NUCB1: variants seen among roughly 807,000 people sequenced by gnomAD.
NUCB1 encodes nucleobindin 1.
In NUCB1, 47 loss-of-function variants were observed where a neutral mutation model predicts 61.2. That is an observed-to-expected ratio of 0.77 (90% CI 0.61 to 0.98). The LOEUF (loss-of-function observed/expected upper bound fraction) is 0.98, where lower values mean the gene tolerates loss of function less well. Among genes scored for constraint, NUCB1 ranks in the 50% least tolerant of loss-of-function variants. The pLI, the probability that NUCB1 is intolerant of heterozygous loss-of-function variation, is 0.00. For missense variants in NUCB1, 583 were observed against 605.3 expected (o/e 0.96, Z 0.39); for synonymous variants, 234 against 243.1 (o/e 0.96, Z 0.35).
At chr19:48,912,803 C>T (rs1329504938) in intron 5 of NUCB1, among the ~76,000 whole-genome samples, 2 of 148,544 alleles carry the variant, frequency 1.3e-5, no homozygotes, top group African/African-American at 5.0e-5. Context: ...GAGATTGTGC[C>T]ACCGCACTCC....
intron 2 of NUCB1, among the ~76,000 whole-genome samples, chr19:48,903,067 C>T (rs923206604): frequency 1.3e-5 from 2 of 152,064 alleles, no homozygotes. Flanking sequence ...CTCAGCCTCC[C>T]AAAGCACTGG....
At chr19:48,915,436 CG>C (rs1487281780) in intron 7 of NUCB1, among the ~76,000 whole-genome samples, 1 of 152,046 alleles carries the variant, frequency 6.6e-6, no homozygotes, top group East Asian at 1.9e-4. Flanking sequence ...AGGCGGAAGG[CG>C]GGGGTTGCAA....
chr19:48,922,310 A>C lies in NUCB1; in HGVS notation c.1280-8A>C, dbSNP rs766144112. On this transcript the variant is annotated splice_region_variant and splice_polypyrimidine_tract_variant and intron_variant, in intron 12 of 12. Coordinates refer to ENST00000405315, the MANE Select transcript of NUCB1 (RefSeq NM_006184.6). Reference sequence around the variant, plus strand: ...TCCTGTGCCACCATTCCCTCCCTCCATTTCCAGACGATGTACCTGTCCCAG... The same window carrying C: ...TCCTGTGCCACCATTCCCTCCCTCCCTTTCCAGACGATGTACCTGTCCCAG... 18 of 1,612,156 alleles carry C rather than the reference A, an allele frequency of 1.1e-5. No individual in the cohort carries two copies. Among genetic ancestry groups the C allele is most frequent in the Non-Finnish European group, 1.5e-5 (18 of 1,178,436 alleles).
intron 4 of NUCB1, 116 bp downstream of exon 4, chr19:48,906,001 A>G (rs2037409495): frequency 9.4e-6 from 9 of 961,586 alleles, no homozygotes; most frequent in Non-Finnish European, 1.4e-5. Flanking sequence ...CCGCTGCGAA[A>G]TGTGCTGAAA....
intron 10 of NUCB1, among the ~76,000 whole-genome samples, chr19:48,920,388 G>A (rs1011783177): frequency 1.3e-4 from 20 of 152,130 alleles, no homozygotes; most frequent in African/African-American, 4.3e-4. Flanking sequence ...GTGCAGTGGT[G>A]TAATCATAGT....
In NUCB1 at chr19:48,918,788, A is replaced by T. The variant is rs1286917284; in HGVS notation, c.816+4A>T. 1 of 1,613,628 alleles carries T rather than the reference A, an allele frequency of 6.2e-7. No individual in the cohort carries two copies. The highest frequency in any genetic ancestry group is 2.2e-5 in the East Asian group (1 of 44,892). On this transcript the variant is annotated splice_donor_region_variant and intron_variant, in intron 8 of 12. Coordinates refer to ENST00000405315, the MANE Select transcript of NUCB1 (RefSeq NM_006184.6). Reference sequence around the variant, plus strand: ...GGAGGCACTCTTCACCAAGGAGGTGAGCATCTTGGAAGCCTCGGGCACCTG... The same window carrying T: ...GGAGGCACTCTTCACCAAGGAGGTGTGCATCTTGGAAGCCTCGGGCACCTG...
chr19:48,921,106 G>A, intron 10 of NUCB1, 48 bp from the exon 11 acceptor site: 1 of 1,549,476 alleles, frequency 6.5e-7, no homozygotes, highest in Non-Finnish European at 8.7e-7. Flanking sequence ...ACATGGGTGG[G>A]CCGAGGTTGG....
At chr19:48,902,573 A>T (rs1253137974) in intron 2 of NUCB1, among the ~76,000 whole-genome samples, 1 of 150,470 alleles carries the variant, frequency 6.6e-6, no homozygotes, top group Non-Finnish European at 1.5e-5. Context: ...TGCCTAGCTA[A>T]TTTTTTTTGT....
intron 10 of NUCB1, 34 bp from the exon 11 acceptor site, chr19:48,921,120 T>C (rs757538100): frequency 6.4e-7 from 1 of 1,574,222 alleles, no homozygotes; most frequent in Non-Finnish European, 8.6e-7. Context: ...AGGTTGGACC[T>C]GTGCCCCTGA....
chr19:48,910,979 C>T (rs977305680), intron 4 of NUCB1, 170 bp from the exon 5 acceptor site: 3 of 574,874 alleles, frequency 5.2e-6, no homozygotes, highest in African/African-American at 3.8e-5. Context: ...AAGCATCAGA[C>T]TCAGTCGTGG....
rs1412630626 is a variant in NUCB1, at chr19:48,900,862, C to G, written c.66C>G (p.Arg22=). 1 of 1,613,938 alleles carries G rather than the reference C, an allele frequency of 6.2e-7. No homozygotes were observed. The highest frequency in any genetic ancestry group is 1.1e-5 in the South Asian group (1 of 91,080). ...LLPLLLLLLL[R]AVLAVPLERG... ...CGCTGCTGCTGCTGCTCCTGCTTCGCGCCGTGCTGGCTGTCCCCCTGGAGC... is the reference window on the plus strand; with the variant it reads ...CGCTGCTGCTGCTGCTCCTGCTTCGGGCCGTGCTGGCTGTCCCCCTGGAGC... Residue 22 remains arginine (R), a synonymous_variant, in exon 2 of 13, where the codon CGC becomes CGG. Transcript: ENST00000405315.
chr19:48,919,093 C>T lies in NUCB1; in HGVS notation c.880C>T (p.Leu294=). ...CATGCGGGAGATGGAGGAGGAGCGA[C>T]TGCGCATGCGGGAGCATGTGATGAA... ...DDMREMEEER[L]RMREHVMKNV... Residue 294 remains leucine (L), a synonymous_variant, in exon 9 of 13, where the codon CTG becomes TTG. Coordinates refer to ENST00000405315, the MANE Select transcript of NUCB1 (RefSeq NM_006184.6). 4 of 1,614,124 alleles carry T rather than the reference C, an allele frequency of 2.5e-6. No homozygotes were observed. Among genetic ancestry groups the T allele is most frequent in the Non-Finnish European group, 3.4e-6 (4 of 1,180,012 alleles).
At chr19:48,903,873 GAT>G (rs1308986082) in intron 2 of NUCB1, among the ~76,000 whole-genome samples, 59 of 144,088 alleles carry the variant, frequency 4.1e-4, no homozygotes, top group African/African-American at 1.5e-3. Context: ...TGGATGGATG[GAT>G]GGATGGATGG....
At chr19:48,908,729 T>TGG (rs2037441001) in intron 4 of NUCB1, among the ~76,000 whole-genome samples, 1 of 142,522 alleles carries the variant, frequency 7.0e-6, no homozygotes, top group South Asian at 2.2e-4. Flanking sequence ...GGGGTGTGTG[T>TGG]GTGTGTGTGT....
chr19:48,910,282 T>C (rs753847854), intron 4 of NUCB1, among the ~76,000 whole-genome samples: 1 of 151,676 alleles, frequency 6.6e-6, no homozygotes, highest in African/African-American at 2.4e-5. Flanking sequence ...TTCACCATGT[T>C]GGCCAGGATG....
At chr19:48,905,607 T>C in intron 3 of NUCB1, 146 bp from the exon 4 acceptor site, 1 of 902,014 alleles carries the variant, frequency 1.1e-6, no homozygotes, top group Non-Finnish European at 1.7e-6. Context: ...GGCTGGGAGC[T>C]GTCCTTCCTG....
intron 7 of NUCB1, chr19:48,918,433 C>T (rs1487450750): frequency 2.4e-5 from 9 of 379,624 alleles, no homozygotes; most frequent in Non-Finnish European, 4.4e-5. Flanking sequence ...GACTCTGTGT[C>T]CAGAGCACTG....
chr19:48,921,297 G>T lies in NUCB1; in HGVS notation c.1146G>T (p.Leu382=). 2 of 1,594,824 alleles carry T rather than the reference G, an allele frequency of 1.3e-6. No individual in the cohort carries two copies. The highest frequency in any genetic ancestry group is 2.3e-5 in the East Asian group (1 of 43,668). ...TEALGRSQGR[L]EAQKRELQQA... ...CTCTAGGGCGGTCCCAGGGCCGCCT[G>T]GAGGCCCAGAAGAGAGAGCTGCAGC... Residue 382 remains leucine, a synonymous_variant, in exon 11 of 13, where the codon CTG becomes CTT. Coordinates refer to ENST00000405315, the MANE Select transcript of NUCB1 (RefSeq NM_006184.6).
In NUCB1 at chr19:48,922,719, C is replaced by G; in HGVS notation, c.*295C>G. ...GAGAAGCCCGCCCCCTCCCCTTCTC[C>G]GTCTGTCCCAAGAGGGTCTGCTCTG... On this transcript the variant is annotated 3_prime_UTR_variant, in exon 13 of 13. Transcript: ENST00000405315. 1 of 366,884 alleles carries G rather than the reference C, an allele frequency of 2.7e-6. No homozygotes were observed. Among genetic ancestry groups the G allele is most frequent in the Non-Finnish European group, 5.2e-6 (1 of 192,790 alleles). The allele number at this position is 366,884 out of a possible 1,614,324, so 22.7% of individuals were successfully genotyped here.
Sources: allele counts gnomAD v4.1 joint callset (sites outside exome capture counted in the v4.1 genomes callset), GRCh38; gene constraint gnomAD v4.1.1; transcripts MANE v1.5; gene names NCBI Gene and HGNC (gene_info 2026-07-23, HGNC 2026-07-21).